Variants in THADA observed in about 807,000 individuals in gnomAD.
THADA encodes the protein THADA armadillo repeat containing, also known as tRNA (32-2'-O)-methyltransferase regulator THADA.
A neutral mutation model predicts 219.8 loss-of-function variants in THADA; 213 were observed. The ratio of observed to expected loss-of-function variants is 0.97; its 90% CI spans 0.87 to 1.09. THADA has a LOEUF of 1.09. THADA is among the 50% of genes least tolerant of loss of function. The pLI, the probability that THADA is intolerant of heterozygous loss-of-function variation, is 0.00. For missense variants in THADA, 2,956 were observed against 2,311.3 expected, an observed-to-expected ratio of 1.28 and a Z score of -5.72; for synonymous variants, 1,018 against 828.9, an observed-to-expected ratio of 1.23 and a Z score of -3.92.
intron 36 of THADA, among the ~76,000 whole-genome samples, chr2:43,266,765 G>A (rs975004013): frequency 1.3e-5 from 2 of 152,160 alleles, no homozygotes; most frequent in African/African-American, 2.4e-5. Context: ...GACTGGAAAG[G>A]CTTTGTGGGA....
chr2:43,581,337 C>G (rs760125212), intron 8 of THADA, among the ~76,000 whole-genome samples: 4 of 152,020 alleles, frequency 2.6e-5, no homozygotes, highest in Non-Finnish European at 4.4e-5. Context: ...CCAGAACAGC[C>G]TGGCCAACAT....
intron 16 of THADA, among the ~76,000 whole-genome samples, chr2:43,559,092 T>C (rs192008908): frequency 2.9e-4 from 44 of 152,288 alleles, no homozygotes; most frequent in African/African-American, 8.9e-4. Flanking sequence ...GGCATCGCTA[T>C]TGACACAATA....
At position 43,431,239 on chromosome 2, in the gene THADA, T is replaced by A. The variant is rs143191224; in HGVS notation, c.3837-937A>T. Among the ~76,000 whole-genome samples the A allele has an allele frequency of 9.9e-4, 150 of 152,280 alleles. 1 individual carries two copies. The highest frequency in any genetic ancestry group is 1.7e-3 in the Non-Finnish European group (115 of 68,024). On this transcript the variant is annotated intron_variant, in intron 26 of 37. Coordinates refer to ENST00000405975, the MANE Select transcript of THADA (RefSeq NM_022065.5). ...CATTTTAAAAAAACTGAAACGTTTTTACACACAGCAAAATGCTGTGATCAA... is the reference window on the plus strand; with the variant it reads ...CATTTTAAAAAAACTGAAACGTTTTAACACACAGCAAAATGCTGTGATCAA...
chr2:43,479,524 G>C (rs1169760535), intron 26 of THADA, among the ~76,000 whole-genome samples: 1 of 151,524 alleles, frequency 6.6e-6, no homozygotes, highest in Admixed American at 6.6e-5. Context: ...TAAGTCTAGA[G>C]AAATCATAAG....
intron 26 of THADA, among the ~76,000 whole-genome samples, chr2:43,434,293 G>A (rs1679787292): frequency 6.6e-6 from 1 of 152,204 alleles, no homozygotes; most frequent in African/African-American, 2.4e-5. Context: ...TGGATCCCAA[G>A]CTCCCACTGA....
At chr2:43,321,530 G>C (rs1678715072) in intron 30 of THADA, among the ~76,000 whole-genome samples, 2 of 152,164 alleles carry the variant, frequency 1.3e-5, no homozygotes, top group Non-Finnish European at 2.9e-5. Context: ...TGTTATCTTG[G>C]GATTGGGCTA....
intron 22 of THADA, among the ~76,000 whole-genome samples, chr2:43,521,056 G>C (rs147334249): frequency 1.8e-3 from 241 of 135,436 alleles, no homozygotes; most frequent in African/African-American, 6.5e-3. Flanking sequence ...GGAAGGAAGA[G>C]AAGGAAGGGA....
At chr2:43,251,480 TCTGCTCTCTAAAAGCAGAAGCCCC>T (rs1425402815) in intron 36 of THADA, among the ~76,000 whole-genome samples, 1 of 152,250 alleles carries the variant, frequency 6.6e-6, no homozygotes, top group Non-Finnish European at 1.5e-5. Context: ...TTTGTTGCTC[TCTGCTCTCTAAAAGCAGAAGCCCC>T]CAATCCCAGC....
At chr2:43,544,182 T>C (rs1396850601) in intron 20 of THADA, among the ~76,000 whole-genome samples, 2 of 152,218 alleles carry the variant, frequency 1.3e-5, no homozygotes, top group Admixed American at 6.5e-5. Flanking sequence ...CAGGTAGTTG[T>C]AGATAAGAGT....
chr2:43,465,137 G>T (rs1373680808), intron 26 of THADA, among the ~76,000 whole-genome samples: 1 of 152,014 alleles, frequency 6.6e-6, no homozygotes, highest in East Asian at 1.9e-4. Context: ...AAAGCAATAG[G>T]AACTATTCTC....
intron 26 of THADA, among the ~76,000 whole-genome samples, chr2:43,471,685 C>CA (rs1261604678): frequency 6.6e-6 from 1 of 152,178 alleles, no homozygotes; most frequent in Non-Finnish European, 1.5e-5. Flanking sequence ...CATGTAACAA[C>CA]AATCAAACAC....
At chr2:43,261,368 C>A (rs1218674446) in intron 36 of THADA, among the ~76,000 whole-genome samples, 1 of 151,438 alleles carries the variant, frequency 6.6e-6, no homozygotes, top group Non-Finnish European at 1.5e-5. Context: ...GGACTACAGG[C>A]ATGCACCATC....
intron 29 of THADA, among the ~76,000 whole-genome samples, chr2:43,361,697 T>A (rs908294086): frequency 1.3e-5 from 2 of 152,276 alleles, no homozygotes; most frequent in African/African-American, 4.8e-5. Flanking sequence ...TGACGAATCA[T>A]CTTACTACAG....
intron 26 of THADA, among the ~76,000 whole-genome samples, chr2:43,432,496 A>T (rs527535375): frequency 4.6e-4 from 69 of 150,476 alleles, no homozygotes; most frequent in African/African-American, 1.6e-3. Context: ...TAAAGCTGCT[A>T]TAAAATTCTA....
At chr2:43,253,057 C>G (rs1245468697) in intron 36 of THADA, among the ~76,000 whole-genome samples, 1 of 152,212 alleles carries the variant, frequency 6.6e-6, no homozygotes, top group African/African-American at 2.4e-5. Context: ...TCAGCATAAG[C>G]TCAAACTTCC....
At chr2:43,514,750 T>A (rs1489444085) in intron 22 of THADA, among the ~76,000 whole-genome samples, 3 of 85,766 alleles carry the variant, frequency 3.5e-5, no homozygotes, top group South Asian at 3.7e-4. Context: ...TATATAATAT[T>A]TTATATATAA....
intron 28 of THADA, among the ~76,000 whole-genome samples, chr2:43,400,089 G>A (rs1386546763): frequency 1.3e-5 from 2 of 152,114 alleles, no homozygotes; most frequent in African/African-American, 2.4e-5. Context: ...AAATAACTCT[G>A]ACATGGTTAC....
chr2:43,459,701 G>C (rs1056514507), intron 26 of THADA, among the ~76,000 whole-genome samples: 1 of 152,142 alleles, frequency 6.6e-6, no homozygotes, highest in African/African-American at 2.4e-5. Context: ...GTGTGAATGT[G>C]AGGGACTGAC....
At chr2:43,564,850 T>C (rs1272438734) in intron 15 of THADA, 2 of 152,172 alleles carry the variant, frequency 1.3e-5, no homozygotes, top group Non-Finnish European at 2.9e-5. Context: ...CTGAGACATA[T>C]TCTTCCAAAA....
Sources: gnomAD v4.1 joint callset for allele counts (sites outside exome capture counted in the v4.1 genomes callset) on GRCh38, gnomAD v4.1.1 for gene constraint, MANE v1.5 for transcripts, NCBI Gene and HGNC (gene_info 2026-07-23, HGNC 2026-07-21) for gene names.